SBF2: variants seen among roughly 807,000 people sequenced by gnomAD.
SBF2 encodes myotubularin-related protein 13.
Under a neutral mutation model 225.2 loss-of-function variants are expected in SBF2, and 112 were observed. The ratio of observed to expected loss-of-function variants is 0.50; its 90% confidence interval spans 0.43 to 0.58. The LOEUF (loss-of-function observed/expected upper bound fraction) is 0.58, where lower values mean the gene tolerates loss of function less well. Among genes scored for constraint, SBF2 ranks in the 20% least tolerant of loss-of-function variants. The pLI is 0.00. For missense variants in SBF2, 1,996 were observed against 2,206.2 expected (o/e 0.90, Z 1.91); for synonymous variants, 763 against 773.3 (o/e 0.99, Z 0.22).
chr11:10,045,887 G>A (rs2134692666), intron 2 of SBF2, among the ~76,000 whole-genome samples: 1 of 152,058 alleles, frequency 6.6e-6, no homozygotes, highest in Non-Finnish European at 1.5e-5. Flanking sequence ...AACATTTAAG[G>A]AAGAAGTTAC....
At chr11:10,109,810 G>T (rs1332182540) in intron 2 of SBF2, among the ~76,000 whole-genome samples, 4 of 152,086 alleles carry the variant, frequency 2.6e-5, no homozygotes, top group African/African-American at 9.7e-5. Flanking sequence ...ATTTGAGAAT[G>T]GTCACCTAAA....
At chr11:10,265,801 T>C (rs1338654720) in intron 1 of SBF2, among the ~76,000 whole-genome samples, 4 of 152,160 alleles carry the variant, frequency 2.6e-5, no homozygotes, top group African/African-American at 9.7e-5. Context: ...TCCTCCCTCC[T>C]GCCTCAGCCT....
chr11:9,795,334 G>A (rs773292964), intron 33 of SBF2, among the ~76,000 whole-genome samples: 3 of 152,208 alleles, frequency 2.0e-5, no homozygotes, highest in African/African-American at 4.8e-5. Context: ...TCATGGCCCT[G>A]ACAGGTGGGA....
At chr11:10,078,021 A>T (rs1330285781) in intron 2 of SBF2, among the ~76,000 whole-genome samples, 1 of 152,196 alleles carries the variant, frequency 6.6e-6, no homozygotes, top group African/African-American at 2.4e-5. Flanking sequence ...TATGCAGCCA[A>T]CAAACTTATG....
chr11:9,875,974 C>T (rs78057236), intron 17 of SBF2, among the ~76,000 whole-genome samples: 12,913 of 148,810 alleles, frequency 0.087, 644 homozygotes, highest in East Asian at 0.18. Flanking sequence ...TTTTTTTTCA[C>T]TAATACATGG....
In SBF2 at chr11:9,812,940, G is replaced by T. The variant is rs533987663; in HGVS notation, c.3979-232C>A. 5.9e-5 allele frequency among the ~76,000 whole-genome samples: 9 copies of T among 152,342 alleles called. No individual in the cohort carries two copies. In the South Asian group the frequency reaches 1.9e-3, roughly 32 times the overall value. On this transcript the variant is annotated intron_variant, in intron 29 of 39. Coordinates refer to ENST00000256190, the MANE Select transcript of SBF2 (RefSeq NM_030962.4). Reference sequence around the variant, plus strand: ...ATGGCAAATCTAGTCCTTACTAGAGGTAGATTACTTAGCCTAAGAATGCGT... The same window carrying T: ...ATGGCAAATCTAGTCCTTACTAGAGTTAGATTACTTAGCCTAAGAATGCGT...
intron 2 of SBF2, among the ~76,000 whole-genome samples, chr11:10,114,421 G>T (rs1436808537): frequency 1.3e-5 from 2 of 152,062 alleles, no homozygotes; most frequent in Non-Finnish European, 2.9e-5. Flanking sequence ...GGCATAAGTT[G>T]AAGCTTCTCA....
chr11:9,912,888 CAT>C (rs1398516547), intron 16 of SBF2, among the ~76,000 whole-genome samples: 1 of 152,184 alleles, frequency 6.6e-6, no homozygotes, highest in East Asian at 1.9e-4. Flanking sequence ...ATTTGTAAAA[CAT>C]ATAACTGTTA....
chr11:9,793,486 G>A (rs2133867440), intron 33 of SBF2, among the ~76,000 whole-genome samples: 1 of 152,260 alleles, frequency 6.6e-6, no homozygotes, highest in East Asian at 1.9e-4. Context: ...GCCTCATGGG[G>A]TCAAGAAGTT....
At chr11:10,052,909 T>C (rs1950111776) in intron 2 of SBF2, among the ~76,000 whole-genome samples, 1 of 152,204 alleles carries the variant, frequency 6.6e-6, no homozygotes, top group Non-Finnish European at 1.5e-5. Context: ...TATGCTAATA[T>C]AAATACATGG....
chr11:9,938,175 C>T (rs1376293995), intron 16 of SBF2, among the ~76,000 whole-genome samples: 1 of 151,850 alleles, frequency 6.6e-6, no homozygotes, highest in Non-Finnish European at 1.5e-5. Flanking sequence ...CCTCTAGTCC[C>T]AGCTACTCAA....
At chr11:10,008,604 T>A (rs1948302389) in intron 6 of SBF2, among the ~76,000 whole-genome samples, 1 of 152,102 alleles carries the variant, frequency 6.6e-6, no homozygotes, top group South Asian at 2.1e-4. Flanking sequence ...TGCATTGGTA[T>A]GAGAAGCCAG....
intron 2 of SBF2, among the ~76,000 whole-genome samples, chr11:10,164,492 T>C (rs1046860473): frequency 2.6e-5 from 4 of 152,164 alleles, no homozygotes; most frequent in African/African-American, 7.2e-5. Flanking sequence ...AAATATTTAA[T>C]AGAATCGATA....
At chr11:10,070,096 T>C (rs1950802284) in intron 2 of SBF2, among the ~76,000 whole-genome samples, 1 of 152,036 alleles carries the variant, frequency 6.6e-6, no homozygotes, top group Non-Finnish European at 1.5e-5. Flanking sequence ...TTTTCTCCCA[T>C]TCTGTAGGTT....
intron 3 of SBF2, 86 bp downstream of exon 3, chr11:10,042,758 G>C (rs1949699977): frequency 1.4e-6 from 2 of 1,409,300 alleles, no homozygotes; most frequent in Admixed American, 3.4e-5. Flanking sequence ...ACTCAAACTT[G>C]CAGTTGTAAC....
chr11:10,293,882 C>G (rs1439320950), intron 1 of SBF2, 133 bp downstream of exon 1: 1 of 615,714 alleles, frequency 1.6e-6, no homozygotes, highest in African/African-American at 1.9e-5. Context: ...AGGCCGGACG[C>G]CGACCGCCCG....
intron 2 of SBF2, among the ~76,000 whole-genome samples, chr11:10,054,484 T>C (rs1950180062): frequency 6.6e-6 from 1 of 152,168 alleles, no homozygotes; most frequent in Non-Finnish European, 1.5e-5. Context: ...CATGAACAGA[T>C]TAAGGCTTTA....
At chr11:9,898,246 T>C (rs911280175) in intron 16 of SBF2, among the ~76,000 whole-genome samples, 2 of 152,218 alleles carry the variant, frequency 1.3e-5, no homozygotes, top group Non-Finnish European at 2.9e-5. Flanking sequence ...CTAAAGCTAG[T>C]CTTTCTAGCC....
intron 16 of SBF2, among the ~76,000 whole-genome samples, chr11:9,918,153 T>C (rs954322785): frequency 6.8e-5 from 10 of 146,488 alleles, no homozygotes; most frequent in African/African-American, 2.4e-4. Context: ...CTGTTATTTC[T>C]ATCTTCGCCA....
Sources: allele counts gnomAD v4.1 joint callset (sites outside exome capture counted in the v4.1 genomes callset), GRCh38; gene constraint gnomAD v4.1.1; transcripts MANE v1.5; gene names NCBI Gene and HGNC (gene_info 2026-07-23, HGNC 2026-07-21).